Variants in EDA observed in about 807,000 individuals in gnomAD.
EDA encodes ectodysplasin-A.
A neutral mutation model predicts 23.6 loss-of-function variants in EDA; 2 were observed. The observed-to-expected ratio is 0.08, with a 90% CI of 0.03 to 0.27. The LOEUF is 0.27. Among genes scored for constraint, EDA ranks in the 10% least tolerant of loss-of-function variants. The pLI, the probability that EDA is intolerant of heterozygous loss-of-function variation, is 1.00. For synonymous variants in EDA, 131 were observed against 132.0 expected, an observed-to-expected ratio of 0.99 and a Z score of 0.05; for missense variants, 229 against 324.2, an observed-to-expected ratio of 0.71 and a Z score of 2.26.
At chrX:69,887,768 T>C (rs1353476755) in intron 1 of EDA, among the ~76,000 whole-genome samples, 2 of 111,564 alleles carry the variant, frequency 1.8e-5, no homozygotes. Flanking sequence ...AGTAGGATGG[T>C]ATATACAAAG....
At position 70,035,609 on chromosome X, in the gene EDA, G is replaced by GATTCCCCCC. The variant is rs1367346328; in HGVS notation, c.*4_*12dup. The GATTCCCCCC allele has an allele frequency of 1.7e-6, 2 of 1,203,150 alleles. No individual in the cohort carries two copies. Among genetic ancestry groups the GATTCCCCCC allele is most frequent in the Non-Finnish European group, 2.2e-6 (2 of 893,564 alleles). On this transcript the variant is annotated 3_prime_UTR_variant, in exon 8 of 8. Coordinates refer to ENST00000374552, the MANE Select transcript of EDA (RefSeq NM_001399.5). ...GGCTGGGTGAAGCCCCTGCATCCTA[G>GATTCCCCCC]ATTCCCCCCATTTTGCCTCTGTCCG... is the stretch of plus-strand genomic sequence containing the variant.
chrX:69,934,931 C>A (rs1225080836), intron 1 of EDA, among the ~76,000 whole-genome samples: 1 of 110,813 alleles, frequency 9.0e-6, no homozygotes. Context: ...CTTTAATAAT[C>A]CCTACTCCCC....
intron 1 of EDA, among the ~76,000 whole-genome samples, chrX:69,713,695 T>C (rs775245528): frequency 2.4e-4 from 27 of 112,147 alleles, no homozygotes; most frequent in Non-Finnish European, 3.4e-4. Flanking sequence ...TGTGTATTAA[T>C]AGTTTGTTCC....
At chrX:69,721,110 T>C (rs1268629645) in intron 1 of EDA, among the ~76,000 whole-genome samples, 1 of 111,871 alleles carries the variant, frequency 8.9e-6, no homozygotes, top group East Asian at 2.8e-4. Flanking sequence ...GTTTGCTTGG[T>C]TTATCTGGTG....
intron 1 of EDA, among the ~76,000 whole-genome samples, chrX:69,622,207 A>C (rs965335769): frequency 8.9e-6 from 1 of 112,385 alleles, no homozygotes; most frequent in Non-Finnish European, 1.9e-5. Context: ...TTTTGGTTAC[A>C]TATGCTTGAA....
chrX:70,035,988 G>T lies in EDA; in HGVS notation c.*379G>T. On this transcript the variant is annotated 3_prime_UTR_variant, in exon 8 of 8. Transcript: ENST00000374552. ...CAAAGGTGCACTCCAGACTCTGGGG[G>T]TGGACATCTGACCCCAAGGGGGCTG... is the stretch of plus-strand genomic sequence containing the variant. 4.6e-6 allele frequency: 1 copy of T among 216,266 alleles called. No homozygotes were observed. The highest frequency in any genetic ancestry group is 8.3e-6 in the Non-Finnish European group (1 of 119,875). 17.8% of individuals were successfully genotyped at this position (216,266 alleles called of 1,213,427 possible).
At chrX:69,794,547 T>C (rs1469000217) in intron 1 of EDA, among the ~76,000 whole-genome samples, 1 of 112,265 alleles carries the variant, frequency 8.9e-6, no homozygotes, top group Admixed American at 9.4e-5. Flanking sequence ...ACAGACACTT[T>C]TTGTATTTTA....
At chrX:69,653,544 A>C (rs11094116) in intron 1 of EDA, among the ~76,000 whole-genome samples, 1 of 111,035 alleles carries the variant, frequency 9.0e-6, no homozygotes, top group Non-Finnish European at 1.9e-5. Flanking sequence ...GGGCATCCCT[A>C]TCTTGTGCCC....
chrX:69,723,637 G>A (rs924315310), intron 1 of EDA, among the ~76,000 whole-genome samples: 8 of 111,888 alleles, frequency 7.2e-5, no homozygotes, highest in African/African-American at 2.6e-4. Flanking sequence ...TTTTTCCTCT[G>A]AGTTAAAGTT....
chrX:69,750,065 C>T (rs182638156), intron 1 of EDA, among the ~76,000 whole-genome samples: 1,435 of 105,059 alleles, frequency 0.014, 19 homozygotes, highest in African/African-American at 0.045. Context: ...ATGTGTACAA[C>T]GTGCAGGTTT....
intron 1 of EDA, among the ~76,000 whole-genome samples, chrX:69,845,251 G>T (rs1392710135): frequency 8.9e-6 from 1 of 112,482 alleles, no homozygotes; most frequent in Non-Finnish European, 1.9e-5. Flanking sequence ...TTTTGTTACA[G>T]TTGGTTTTAG....
chrX:69,669,974 A>G (rs1449977779), intron 1 of EDA, among the ~76,000 whole-genome samples: 2 of 111,774 alleles, frequency 1.8e-5, no homozygotes, highest in Non-Finnish European at 3.8e-5. Flanking sequence ...TTGAGTATGT[A>G]TTTACCTCTA....
chrX:69,757,321 G>A (rs1349790556), intron 1 of EDA, among the ~76,000 whole-genome samples: 2 of 111,553 alleles, frequency 1.8e-5, no homozygotes, highest in Non-Finnish European at 3.8e-5. Flanking sequence ...AAAAAGAGGG[G>A]GAGTGCTAAC....
chrX:69,784,050 G>C (rs1358187935), intron 1 of EDA, among the ~76,000 whole-genome samples: 1 of 108,268 alleles, frequency 9.2e-6, no homozygotes, highest in Non-Finnish European at 1.9e-5. Context: ...CAGTGATGGT[G>C]AGCATTTTTC....
At position 69,940,742 on chromosome X, in the gene EDA, A is replaced by ATG. The variant is rs755587260; in HGVS notation, c.397-16284_397-16283dup. The stretch of plus-strand genomic sequence containing the variant: ...GTGCATAATAATCACATCATGATAA[A>ATG]TGAGGTATCCATTTCCTCAAACATT... On this transcript the variant is annotated intron_variant, in intron 1 of 7. Transcript: ENST00000374552. Among the ~76,000 whole-genome samples the ATG allele has an allele frequency of 2.5e-3, 283 of 111,740 alleles. 1 individual carries two copies. The highest frequency in any genetic ancestry group is 4.8e-3 in the Non-Finnish European group (252 of 52,939).
At chrX:69,868,891 T>G (rs2017525095) in intron 1 of EDA, among the ~76,000 whole-genome samples, 1 of 111,948 alleles carries the variant, frequency 8.9e-6, no homozygotes, top group South Asian at 3.8e-4. Context: ...AGTTACCACT[T>G]GGTTAAGCTT....
chrX:70,010,298 T>C (rs956110232), intron 2 of EDA, among the ~76,000 whole-genome samples: 2 of 112,562 alleles, frequency 1.8e-5, no homozygotes, highest in South Asian at 3.7e-4. Context: ...CAGGCACGCA[T>C]ACATTAAAGA....
chrX:69,966,559 G>A (rs1469401426), intron 2 of EDA, among the ~76,000 whole-genome samples: 2 of 99,557 alleles, frequency 2.0e-5, no homozygotes, highest in Admixed American at 2.2e-4. Flanking sequence ...GGGCGAAAGA[G>A]TGAGACTCCA....
intron 1 of EDA, among the ~76,000 whole-genome samples, chrX:69,855,110 C>G (rs2017217590): frequency 9.0e-6 from 1 of 110,664 alleles, no homozygotes; most frequent in South Asian, 3.8e-4. Context: ...GTGTATATGT[C>G]TTTTGAAAAG....
Sources: gnomAD v4.1 joint callset for allele counts (sites outside exome capture counted in the v4.1 genomes callset) on GRCh38, gnomAD v4.1.1 for gene constraint, MANE v1.5 for transcripts, NCBI Gene and HGNC (gene_info 2026-07-23, HGNC 2026-07-21) for gene names.